Variants in ZDHHC23 observed in about 807,000 individuals in gnomAD.
ZDHHC23 encodes zDHHC palmitoyltransferase 23, also known as palmitoyltransferase ZDHHC23.
A neutral mutation model predicts 40.2 loss-of-function variants in ZDHHC23; 41 were observed. The ratio of observed to expected loss-of-function variants is 1.02; its 90% CI spans 0.79 to 1.32. The LOEUF (loss-of-function observed/expected upper bound fraction) is 1.32. ZDHHC23 is among the 40% of genes most tolerant of loss of function. The pLI is 0.00. For synonymous variants in ZDHHC23, 204 were observed against 210.2 expected (o/e 0.97, Z 0.26); for missense variants, 471 against 541.5 (o/e 0.87, Z 1.29).
chr3:113,953,651 T>C, intron 2 of ZDHHC23, 49 bp from the exon 3 acceptor site: 1 of 1,518,764 alleles, frequency 6.6e-7, no homozygotes, highest in Non-Finnish European at 8.9e-7. Flanking sequence ...TAGCTTTTAA[T>C]TCAACAAACC....
rs184431098 is a variant in ZDHHC23, at chr3:113,948,795, T to C, written c.-8T>C. ...GCTTCTTACGCCTCATGGTGACAGG[T>C]GCAAATCATGACACAGAAGGGCAGT... On this transcript the variant is annotated 5_prime_UTR_variant, in exon 2 of 5. Coordinates refer to ENST00000638807, the MANE Select transcript of ZDHHC23 (RefSeq NM_001320466.2). The C allele has an allele frequency of 5.7e-4, 918 of 1,613,948 alleles. No individual in the cohort carries two copies. Among genetic ancestry groups the C allele is most frequent in the Non-Finnish European group, 7.4e-4 (873 of 1,179,978 alleles).
rs1400539125 is a variant in ZDHHC23 at position 113,948,142 on chromosome 3, T to A, written c.-166T>A. On this transcript the variant is annotated 5_prime_UTR_variant, in exon 1 of 5. Coordinates refer to ENST00000638807, the MANE Select transcript of ZDHHC23 (RefSeq NM_001320466.2). ...CTGTGCCTCCGGGGAAGCCGACCCATCTCCCCTCCGCCTCTTTGGCTGCAG... is the reference window on the plus strand; with the variant it reads ...CTGTGCCTCCGGGGAAGCCGACCCAACTCCCCTCCGCCTCTTTGGCTGCAG... 6.6e-6 allele frequency: 1 copy of A among 151,750 alleles called. No homozygotes were observed. The highest frequency in any genetic ancestry group is 2.4e-5 in the African/African-American group (1 of 41,282). 9.4% of individuals were successfully genotyped at this position (151,750 alleles called of 1,614,324 possible).
At position 113,960,623 on chromosome 3, in the gene ZDHHC23, A is replaced by AATGTG; in HGVS notation, c.*2002_*2006dup. 6.3e-7 allele frequency: 1 copy of AATGTG among 1,579,232 alleles called. No homozygotes were observed. Among genetic ancestry groups the AATGTG allele is most frequent in the Non-Finnish European group, 8.6e-7 (1 of 1,168,724 alleles). On this transcript the variant is annotated 3_prime_UTR_variant, in exon 5 of 5. Coordinates refer to ENST00000638807, the MANE Select transcript of ZDHHC23 (RefSeq NM_001320466.2). ...CAAATTGTTCACAACATCTAAATGT[A>AATGTG]ATGTGATGTGATGAAGATAAGTAGT...
Position 113,960,804 on chromosome 3 carries a change from A to G in ZDHHC23, c.*2174A>G. On this transcript the variant is annotated 3_prime_UTR_variant, in exon 5 of 5. Transcript: ENST00000638807. ...TATTCAGGTTTATTGGCACGAAGAT[A>G]CTTGTTTTAAGTTCCTTGAGAACCC... 1.3e-6 allele frequency: 2 copies of G among 1,497,056 alleles called. No homozygotes were observed. Among genetic ancestry groups the G allele is most frequent in the African/African-American group, 2.9e-5 (2 of 68,686 alleles). The allele number at this position is 1,497,056 out of a possible 1,614,324, so 92.7% of individuals were successfully genotyped here. A position where few individuals can be genotyped will look rare whatever the true frequency, so the allele number is the denominator to read the frequency against.
chr3:113,963,574 C>CAA (rs10526433), downstream of ZDHHC23, among the ~76,000 whole-genome samples: 1,437 of 50,236 alleles, frequency 0.029, 39 homozygotes, highest in African/African-American at 0.052. Context: ...CCATCTCTAC[C>CAA]AAAAAAAAAA....
rs763578148 is a variant in ZDHHC23 at position 113,958,591 on chromosome 3, C to A, written c.1269C>A (p.Gly423=). 1.9e-6 allele frequency: 3 copies of A among 1,605,574 alleles called. No individual in the cohort carries two copies. The highest frequency in any genetic ancestry group is 2.2e-5 in the South Asian group (2 of 90,876). Residue 423 remains glycine (G), a synonymous_variant, in exon 5 of 5, where the codon GGC becomes GGA. Coordinates refer to ENST00000638807, the MANE Select transcript of ZDHHC23 (RefSeq NM_001320466.2). ...LRNWHQFSTL[G]TRAFHHPAED... ...ACTGGCACCAGTTCTCCACCCTGGG[C>A]ACACGTGCATTCCACCACCCTGCCG...
At chr3:113,965,229 G>A, downstream of ZDHHC23, 2 of 1,612,086 alleles carry the variant, frequency 1.2e-6, no homozygotes, top group South Asian at 2.2e-5. Flanking sequence ...TACCTTCCAG[G>A]TACCTGGAAG....
rs1390172716 is a variant in ZDHHC23, at chr3:113,961,538, T to C, written c.*2908T>C. On this transcript the variant is annotated 3_prime_UTR_variant, in exon 5 of 5. Coordinates refer to ENST00000638807, the MANE Select transcript of ZDHHC23 (RefSeq NM_001320466.2). ...GCGCCTCTTTGATAGGTTACCCTGA[T>C]GCTGCTAAAGTAAAGCCTTAAGTGT... is the stretch of plus-strand genomic sequence containing the variant. 1 of 152,688 alleles carries C rather than the reference T, an allele frequency of 6.5e-6. No homozygotes were observed. The highest frequency in any genetic ancestry group is 2.4e-5 in the African/African-American group (1 of 41,460). The allele number at this position is 152,688 out of a possible 1,614,324, so 9.5% of individuals were successfully genotyped here.
At chr3:113,972,922 A>G in the ZDHHC23 span, among the ~76,000 whole-genome samples, 3 of 152,022 alleles carry the variant, frequency 2.0e-5, no homozygotes, top group East Asian at 5.8e-4. Flanking sequence ...GTCTTTTTCT[A>G]TCTCTTTCAG....
At chr3:113,965,576 T>C (rs915265252), downstream of ZDHHC23, among the ~76,000 whole-genome samples, 1 of 152,108 alleles carries the variant, frequency 6.6e-6, no homozygotes, top group Non-Finnish European at 1.5e-5. Flanking sequence ...TAGGTTATTT[T>C]TATTTTTATT....
chr3:113,965,295 C>T, downstream of ZDHHC23: 1 of 1,611,732 alleles, frequency 6.2e-7, no homozygotes, highest in Non-Finnish European at 8.5e-7. Context: ...TCTTCTTTTA[C>T]TCTTTCCTCT....
chr3:113,956,423 C>T lies in ZDHHC23; in HGVS notation c.957C>T (p.Ile319=). The T allele has an allele frequency of 6.2e-7, 1 of 1,614,174 alleles. No homozygotes were observed. The highest frequency in any genetic ancestry group is 8.5e-7 in the Non-Finnish European group (1 of 1,180,008). Residue 319 remains isoleucine (I), a synonymous_variant, in exon 4 of 5, where the codon ATC becomes ATT. Transcript: ENST00000638807. ...TCTTGCTCACCTCGGTGTATGGGATCACACTGACCTTGGACACCATTTGTA... is the reference window on the plus strand; with the variant it reads ...TCTTGCTCACCTCGGTGTATGGGATTACACTGACCTTGGACACCATTTGTA... ...LIFLLTSVYG[I]TLTLDTICRD... is the part of the protein sequence containing the mutation.
At chr3:113,979,195 C>A in the ZDHHC23 span, among the ~76,000 whole-genome samples, 3,795 of 152,240 alleles carry the variant, frequency 0.025, 140 homozygotes, top group African/African-American at 0.087. Context: ...GTTATAGATT[C>A]ACATCATGCA....
At position 113,963,116 on chromosome 3, in the gene ZDHHC23, C is replaced by G. The variant is rs1939809242; in HGVS notation, c.*4486C>G. 6.6e-6 allele frequency: 1 copy of G among 152,108 alleles called. No homozygotes were observed. The highest frequency in any genetic ancestry group is 2.1e-4 in the South Asian group (1 of 4,802). 9.4% of individuals were successfully genotyped at this position (152,108 alleles called of 1,614,324 possible). On this transcript the variant is annotated 3_prime_UTR_variant, in exon 5 of 5. Coordinates refer to ENST00000638807, the MANE Select transcript of ZDHHC23 (RefSeq NM_001320466.2). ...GTCCCTAGCCCTAAACTGTTATGTT[C>G]CCGGTGGCAATTTCTCCAGTTTTGT...
At chr3:113,957,070 A>ATCTAC in intron 4 of ZDHHC23, among the ~76,000 whole-genome samples, 2 of 151,992 alleles carry the variant, frequency 1.3e-5, no homozygotes, top group African/African-American at 4.8e-5. Context: ...GTAGGTCAAA[A>ATCTAC]TTTCCTTAGG....
At position 113,962,399 on chromosome 3, in the gene ZDHHC23, G is replaced by C. The variant is rs1939748230; in HGVS notation, c.*3769G>C. The C allele has an allele frequency of 1.3e-5, 2 of 152,248 alleles. No individual in the cohort carries two copies. The highest frequency in any genetic ancestry group is 2.4e-5 in the African/African-American group (1 of 41,462). 9.4% of individuals were successfully genotyped at this position (152,248 alleles called of 1,614,324 possible). A position where few individuals can be genotyped will look rare whatever the true frequency, so the allele number is the denominator to read the frequency against. Reference sequence around the variant, plus strand: ...CGGTTAGTGAAGACAAATGTCTTAAGAGGCTGCGATGTCTAGGTTGGGCTT... The same window carrying C: ...CGGTTAGTGAAGACAAATGTCTTAACAGGCTGCGATGTCTAGGTTGGGCTT... On this transcript the variant is annotated 3_prime_UTR_variant, in exon 5 of 5. Transcript: ENST00000638807.
rs770508707 is a variant in ZDHHC23, at chr3:113,958,494, A to C, written c.1172A>C (p.Gln391Pro). The change falls in exon 5 of 5, where the codon CAG becomes CCG. Residue 391 changes from glutamine to proline, a missense_variant. Gln to Pro is a moderately conservative substitution (Grantham distance 76, BLOSUM62 -1). Around this residue, in one of 3 missense-constraint regions of ZDHHC23, gnomAD observed 346 missense variants for 399.8 expected, o/e 0.87. Coordinates refer to ENST00000638807, the MANE Select transcript of ZDHHC23 (RefSeq NM_001320466.2). ...TEREVQQALR[Q>P]KTGRRLLCGL... ...CGGGAAGTCCAGCAGGCCCTCCGAC[A>C]GAAGACTGGGCGCCGGCTCCTCTGC... 2 of 1,614,008 alleles carry C rather than the reference A, an allele frequency of 1.2e-6. No homozygotes were observed. The highest frequency in any genetic ancestry group is 1.7e-6 in the Non-Finnish European group (2 of 1,180,048).
chr3:113,970,664 C>T, the ZDHHC23 span, among the ~76,000 whole-genome samples: 1 of 152,058 alleles, frequency 6.6e-6, no homozygotes, highest in African/African-American at 2.4e-5. Context: ...GTGTGCTGCA[C>T]CCATTAACTC....
intron 3 of ZDHHC23, among the ~76,000 whole-genome samples, chr3:113,954,880 CT>C (rs764610781): frequency 1.3e-5 from 2 of 152,174 alleles, no homozygotes; most frequent in Non-Finnish European, 2.9e-5. Flanking sequence ...ATGATTTCCA[CT>C]TAACATTATT....
Sources: gnomAD v4.1 joint callset for allele counts (sites outside exome capture counted in the v4.1 genomes callset) on GRCh38, gnomAD v4.1.1 for gene constraint, gnomAD v4.1.1 regional missense constraint, MANE v1.5 for transcripts, NCBI Gene and HGNC (gene_info 2026-07-23, HGNC 2026-07-21) for gene names.